Variants in E2F3 observed in about 807,000 individuals in gnomAD.
E2F3 encodes the protein transcription factor E2F3.
A neutral mutation model predicts 44.4 loss-of-function variants in E2F3; 11 were observed. The observed-to-expected ratio is 0.25, with a 90% CI of 0.16 to 0.41. The LOEUF (loss-of-function observed/expected upper bound fraction) is 0.41, where lower values mean the gene tolerates loss of function less well. Ranked by LOEUF, E2F3 falls within the 10% of genes least tolerant of loss-of-function variation. E2F3 has a pLI of 1.00. For synonymous variants in E2F3, 249 were observed against 253.0 expected, an observed-to-expected ratio of 0.98 and a Z score of 0.15; for missense variants, 487 against 583.6, an observed-to-expected ratio of 0.83 and a Z score of 1.70.
At chr6:20,436,645 C>T (rs1181118266) in intron 1 of E2F3, among the ~76,000 whole-genome samples, 1 of 152,176 alleles carries the variant, frequency 6.6e-6, no homozygotes, top group East Asian at 1.9e-4. Flanking sequence ...TGCTTTCCCA[C>T]GTTAGCAGTC....
At chr6:20,409,112 C>G (rs1581566052) in intron 1 of E2F3, among the ~76,000 whole-genome samples, 1 of 152,156 alleles carries the variant, frequency 6.6e-6, no homozygotes, top group Non-Finnish European at 1.5e-5. Context: ...GCCTCATTCA[C>G]CAAGAGAAGG....
chr6:20,451,160 G>A (rs982168208), intron 1 of E2F3, among the ~76,000 whole-genome samples: 52 of 152,302 alleles, frequency 3.4e-4, no homozygotes, highest in South Asian at 6.2e-4. Context: ...CTAGTTCTGT[G>A]AAGAATGTTG....
chr6:20,416,781 A>C (rs994699892), intron 1 of E2F3, among the ~76,000 whole-genome samples: 2 of 152,070 alleles, frequency 1.3e-5, no homozygotes, highest in South Asian at 4.1e-4. Flanking sequence ...ACATCAAATA[A>C]GGTGTTGCTC....
At chr6:20,443,592 G>T (rs1760842691) in intron 1 of E2F3, among the ~76,000 whole-genome samples, 1 of 152,008 alleles carries the variant, frequency 6.6e-6, no homozygotes, top group Non-Finnish European at 1.5e-5. Flanking sequence ...AAATTTAACA[G>T]GGCATGGTGG....
chr6:20,457,549 T>C (rs1381641866), intron 1 of E2F3, among the ~76,000 whole-genome samples: 1 of 151,898 alleles, frequency 6.6e-6, no homozygotes, highest in Non-Finnish European at 1.5e-5. Flanking sequence ...TACCTAGAAT[T>C]GTAGGAAGGT....
intron 1 of E2F3, among the ~76,000 whole-genome samples, chr6:20,427,274 T>C (rs1191701165): frequency 6.6e-6 from 1 of 152,234 alleles, no homozygotes; most frequent in Admixed American, 6.5e-5. Context: ...TGAGGCTTTG[T>C]AACTCAAAGA....
intron 3 of E2F3, among the ~76,000 whole-genome samples, chr6:20,482,334 G>GTT (rs1276568132): frequency 8.6e-6 from 1 of 116,958 alleles, no homozygotes; most frequent in East Asian, 2.5e-4. Flanking sequence ...TGGATGGGTT[G>GTT]TTTTTTTGTT....
chr6:20,409,974 C>T (rs900382776), intron 1 of E2F3, among the ~76,000 whole-genome samples: 1 of 152,074 alleles, frequency 6.6e-6, no homozygotes, highest in African/African-American at 2.4e-5. Context: ...AGTTTTTTGG[C>T]GAGTAGAGTT....
chr6:20,465,421 T>A (rs144928502), intron 1 of E2F3, among the ~76,000 whole-genome samples: 1 of 152,350 alleles, frequency 6.6e-6, no homozygotes, highest in Non-Finnish European at 1.5e-5. Context: ...TTAAAACATT[T>A]GTTTTAACCT....
intron 1 of E2F3, among the ~76,000 whole-genome samples, chr6:20,475,921 A>G (rs1028068331): frequency 3.3e-5 from 5 of 152,146 alleles, no homozygotes; most frequent in Admixed American, 2.0e-4. Context: ...GTTTCTCTCT[A>G]TCTGTAGTAT....
At position 20,492,293 on chromosome 6, in the gene E2F3, T is replaced by A. The variant is rs188385499; in HGVS notation, c.*1863T>A. 7.7e-5 allele frequency: 18 copies of A among 232,486 alleles called. No homozygotes were observed. The East Asian group carries it at 1.0e-3, about 13-fold the overall frequency. 14.4% of individuals were successfully genotyped at this position (232,486 alleles called of 1,614,324 possible). A position where few individuals can be genotyped will look rare whatever the true frequency, so the allele number is the denominator to read the frequency against. ...TTGTGTGGGTATGCGTGGGTGTATG[T>A]TTGGGAAGAAAAACAAAGGTGCAGA... On this transcript the variant is annotated 3_prime_UTR_variant, in exon 7 of 7. Transcript: ENST00000346618.
intron 1 of E2F3, chr6:20,403,649 G>A: frequency 1.9e-6 from 1 of 514,678 alleles, no homozygotes; most frequent in Non-Finnish European, 3.4e-6. Flanking sequence ...GGCCTGGGAC[G>A]GTCCCGGCGC....
At chr6:20,434,603 T>C (rs1760512938) in intron 1 of E2F3, among the ~76,000 whole-genome samples, 1 of 152,216 alleles carries the variant, frequency 6.6e-6, no homozygotes, top group East Asian at 1.9e-4. Context: ...TTGCTCTTTC[T>C]GAATAAACTA....
At chr6:20,450,900 T>G (rs1399479491) in intron 1 of E2F3, among the ~76,000 whole-genome samples, 1 of 152,224 alleles carries the variant, frequency 6.6e-6, no homozygotes, top group African/African-American at 2.4e-5. Context: ...TACCCGTTGC[T>G]TAATTTTTGT....
Position 20,402,540 on chromosome 6 carries a change from C to G in E2F3, c.308C>G (p.Pro103Arg). Residue 103 changes from proline (P) to arginine (R), a missense_variant, in exon 1 of 7, where the codon CCG becomes CGG. By Grantham distance (103) the Pro-to-Arg change is moderately radical. This residue lies in a region of E2F3 where 238 missense variants were observed against 236.0 expected (regional missense o/e 1.01). Coordinates refer to ENST00000346618, the MANE Select transcript of E2F3 (RefSeq NM_001949.5). The surrounding 1 kb of genome is among the most constrained non-coding windows in gnomAD (Gnocchi z 5.6). ...QTAGSLLYTT[P>R]HGPSSRAGLL... ...GCCGGCAGCCTCCTCTACACCACGC[C>G]GCACGGACCCTCCAGCAGAGCCGGG... 5 of 1,594,604 alleles carry G rather than the reference C, an allele frequency of 3.1e-6. No homozygotes were observed. The highest frequency in any genetic ancestry group is 4.2e-6 in the Non-Finnish European group (5 of 1,177,336).
intron 1 of E2F3, among the ~76,000 whole-genome samples, chr6:20,414,258 G>C (rs1012968555): frequency 6.6e-6 from 1 of 152,150 alleles, no homozygotes; most frequent in African/African-American, 2.4e-5. Flanking sequence ...TTTGGGGATC[G>C]ATGCTGTCAG....
At chr6:20,407,723 T>C (rs1759537482) in intron 1 of E2F3, among the ~76,000 whole-genome samples, 1 of 152,260 alleles carries the variant, frequency 6.6e-6, no homozygotes, top group Non-Finnish European at 1.5e-5. Context: ...TAGTTAATTT[T>C]CTGGCTGGTT....
chr6:20,493,371 T>G lies in E2F3; in HGVS notation c.*2941T>G. 9.0e-6 allele frequency: 2 copies of G among 221,318 alleles called. No homozygotes were observed. Among genetic ancestry groups the G allele is most frequent in the Non-Finnish European group, 9.1e-6 (1 of 110,212 alleles). 13.7% of individuals were successfully genotyped at this position (221,318 alleles called of 1,614,324 possible). On this transcript the variant is annotated 3_prime_UTR_variant, in exon 7 of 7. Coordinates refer to ENST00000346618, the MANE Select transcript of E2F3 (RefSeq NM_001949.5). The stretch of plus-strand genomic sequence containing the variant: ...AACTCGTGTGTATGAGAAGGAGGGA[T>G]ATGAAGGAAGATGGCTTGCAGAGTA...
In E2F3 at chr6:20,490,503, G is replaced by T; in HGVS notation, c.*73G>T. 2 of 1,429,258 alleles carry T rather than the reference G, an allele frequency of 1.4e-6. No individual in the cohort carries two copies. The highest frequency in any genetic ancestry group is 3.1e-5 in the South Asian group (2 of 65,416). The allele number at this position is 1,429,258 out of a possible 1,614,324, so 88.5% of individuals were successfully genotyped here. A position where few individuals can be genotyped will look rare whatever the true frequency, so the allele number is the denominator to read the frequency against. ...GGAACCAGAACATCTGTCATGCAGT[G>T]TTGTCCCTTCCTACCTTCTTCCTCC... is the stretch of plus-strand genomic sequence containing the variant. On this transcript the variant is annotated 3_prime_UTR_variant, in exon 7 of 7. Coordinates refer to ENST00000346618, the MANE Select transcript of E2F3 (RefSeq NM_001949.5). This position sits in a 1 kb window ranked among gnomAD's most constrained non-coding sequence, Gnocchi z 4.3.
Sources: gnomAD v4.1 joint callset for allele counts (sites outside exome capture counted in the v4.1 genomes callset) on GRCh38, gnomAD v4.1.1 for gene constraint, gnomAD v4.1.1 regional missense constraint, Gnocchi (gnomAD v3.1) non-coding constraint, MANE v1.5 for transcripts, NCBI Gene and HGNC (gene_info 2026-07-23, HGNC 2026-07-21) for gene names.